KIT: variants seen among roughly 807,000 people sequenced by gnomAD.
KIT encodes mast/stem cell growth factor receptor Kit.
A neutral mutation model predicts 105.7 loss-of-function variants in KIT; 16 were observed. That is an observed-to-expected ratio of 0.15 (90% confidence interval 0.10 to 0.23). KIT has a LOEUF of 0.23. KIT is among the 10% of genes least tolerant of loss of function. The pLI, the probability that KIT is intolerant of heterozygous loss-of-function variation, is 1.00. For missense variants in KIT, 858 were observed against 1,213.8 expected, an observed-to-expected ratio of 0.71 and a Z score of 4.36; for synonymous variants, 438 against 441.1, an observed-to-expected ratio of 0.99 and a Z score of 0.09.
chr4:54,677,634 C>T (rs1466340568), intron 1 of KIT, among the ~76,000 whole-genome samples: 3 of 152,180 alleles, frequency 2.0e-5, no homozygotes, highest in Non-Finnish European at 4.4e-5. Flanking sequence ...TGTGTTTCTT[C>T]CCACCCACTT....
chr4:54,667,258 T>C (rs973564564), intron 1 of KIT, among the ~76,000 whole-genome samples: 2 of 152,158 alleles, frequency 1.3e-5, no homozygotes, highest in African/African-American at 4.8e-5. Context: ...GATCAGCCCA[T>C]GGTCCAGTGG....
Position 54,736,567 on chromosome 4 carries a change from G to A in KIT, c.2554G>A (p.Val852Ile), listed in dbSNP as rs555650901. ...FNCVYTFESD[V>I]WSYGIFLWEL... The stretch of plus-strand genomic sequence containing the variant: ...CTGTGTATACACGTTTGAAAGTGAC[G>A]TCTGGTCCTATGGGATTTTTCTTTG... The change falls in exon 18 of 21, where the codon GTC becomes ATC. Residue 852 changes from valine to isoleucine, a missense_variant. By Grantham distance (29) the Val-to-Ile change is conservative (BLOSUM62 3). Around this residue, in one of 7 missense-constraint regions of KIT, gnomAD observed 63 missense variants for 137.4 expected, o/e 0.46. Coordinates refer to ENST00000288135, the MANE Select transcript of KIT (RefSeq NM_000222.3). 54 of 1,613,996 alleles carry A rather than the reference G, an allele frequency of 3.3e-5. No homozygotes were observed. The highest frequency in any genetic ancestry group is 5.0e-5 in the Admixed American group (3 of 59,998).
At chr4:54,711,954 G>A (rs1157869232) in intron 7 of KIT, among the ~76,000 whole-genome samples, 1 of 151,016 alleles carries the variant, frequency 6.6e-6, no homozygotes, top group African/African-American at 2.4e-5. Context: ...AAAGATAATA[G>A]TATATAGAGC....
intron 1 of KIT, among the ~76,000 whole-genome samples, chr4:54,661,501 G>A (rs1717267201): frequency 6.6e-6 from 1 of 152,204 alleles, no homozygotes; most frequent in African/African-American, 2.4e-5. Flanking sequence ...TCTCAGAGCT[G>A]GCCTGCAGTG....
chr4:54,704,998 A>G (rs1720697635), intron 5 of KIT, among the ~76,000 whole-genome samples: 1 of 152,236 alleles, frequency 6.6e-6, no homozygotes, highest in African/African-American at 2.4e-5. Context: ...ACTTGCAATT[A>G]TAGTCAGCAC....
chr4:54,690,840 C>G (rs1420075090), intron 1 of KIT, among the ~76,000 whole-genome samples: 4 of 152,126 alleles, frequency 2.6e-5, no homozygotes, highest in African/African-American at 9.7e-5. Flanking sequence ...AATTGTGAGA[C>G]TACTATAACA....
intron 3 of KIT, among the ~76,000 whole-genome samples, chr4:54,699,411 T>A (rs911383288): frequency 7.9e-5 from 12 of 152,158 alleles, no homozygotes; most frequent in Non-Finnish European, 1.8e-4. Flanking sequence ...AATCTCACAG[T>A]GGGCATTTCT....
intron 1 of KIT, among the ~76,000 whole-genome samples, chr4:54,673,382 T>C (rs1314534664): frequency 6.6e-6 from 1 of 152,238 alleles, no homozygotes; most frequent in Non-Finnish European, 1.5e-5. Flanking sequence ...TTCCGTCTTC[T>C]GGTTCATTTA....
intron 2 of KIT, among the ~76,000 whole-genome samples, chr4:54,696,302 A>G (rs1041870288): frequency 5.3e-5 from 8 of 152,338 alleles, no homozygotes; most frequent in African/African-American, 1.7e-4. Flanking sequence ...GTGACCTCTT[A>G]TAAACAAAAG....
At chr4:54,678,933 T>C (rs1718710146) in intron 1 of KIT, among the ~76,000 whole-genome samples, 1 of 152,174 alleles carries the variant, frequency 6.6e-6, no homozygotes. Flanking sequence ...GTTGCTAACA[T>C]GACCCCCTCC....
intron 8 of KIT, 42 bp downstream of exon 8, chr4:54,723,740 A>C (rs751129209): frequency 1.0e-5 from 11 of 1,075,340 alleles, no homozygotes; most frequent in Non-Finnish European, 1.6e-5. Context: ...TGCAGAGGGG[A>C]AGGACTGCAA....
intron 9 of KIT, 33 bp downstream of exon 9, chr4:54,726,083 GT>G: frequency 1.3e-6 from 2 of 1,544,178 alleles, no homozygotes; most frequent in Non-Finnish European, 1.8e-6. Context: ...TTAAGGGGAT[GT>G]TTAGGCTCTG....
intron 1 of KIT, among the ~76,000 whole-genome samples, chr4:54,668,353 T>C (rs1397219553): frequency 6.6e-6 from 1 of 152,074 alleles, no homozygotes; most frequent in African/African-American, 2.4e-5. Context: ...AGAGGGAAAA[T>C]GAAAAAGGTG....
At chr4:54,709,374 TC>T (rs762430504) in intron 6 of KIT, 49 bp from the exon 7 acceptor site, 11 of 1,177,544 alleles carry the variant, frequency 9.3e-6, no homozygotes, top group Non-Finnish European at 1.4e-5. Context: ...AGACATGCCT[TC>T]CAAGGCATGC....
chr4:54,737,930 A>G (rs1411082932), intron 20 of KIT, among the ~76,000 whole-genome samples: 1 of 152,146 alleles, frequency 6.6e-6, no homozygotes, highest in Non-Finnish European at 1.5e-5. Flanking sequence ...GCTTGGAGCT[A>G]TCTTTTCTTT....
intron 1 of KIT, among the ~76,000 whole-genome samples, chr4:54,678,874 A>G (rs1718706549): frequency 2.0e-5 from 3 of 152,198 alleles, no homozygotes; most frequent in African/African-American, 2.4e-5. Flanking sequence ...ATTTTGCCAC[A>G]TGTATTTTGT....
chr4:54,686,582 C>G (rs569053180), intron 1 of KIT, among the ~76,000 whole-genome samples: 1 of 152,106 alleles, frequency 6.6e-6, no homozygotes, highest in Non-Finnish European at 1.5e-5. Flanking sequence ...CCTTACTCCA[C>G]TCCTCAGGCT....
At chr4:54,690,985 A>G (rs1302178475) in intron 1 of KIT, among the ~76,000 whole-genome samples, 1 of 152,190 alleles carries the variant, frequency 6.6e-6, no homozygotes, top group Non-Finnish European at 1.5e-5. Flanking sequence ...GGTGGCAATT[A>G]TTTTAATTAT....
Position 54,723,558 on chromosome 4 carries a change from A to T in KIT, c.1232-26A>T, listed in dbSNP as rs775694355. On this transcript the variant is annotated intron_variant, in intron 7 of 20. Transcript: ENST00000288135. Reference sequence around the variant, plus strand: ...TGCTGAGGTTTTCCAGCACTCTGACATATGGCCATTTCTGTTTTCCTGTAG... The same window carrying T: ...TGCTGAGGTTTTCCAGCACTCTGACTTATGGCCATTTCTGTTTTCCTGTAG... 6.1e-6 allele frequency: 9 copies of T among 1,470,708 alleles called. No individual in the cohort carries two copies. In the East Asian group the frequency reaches 6.8e-5, roughly 11 times the overall value. The allele number at this position is 1,470,708 out of a possible 1,614,324, so 91.1% of individuals were successfully genotyped here. A position where few individuals can be genotyped will look rare whatever the true frequency, so the allele number is the denominator to read the frequency against.
Sources: gnomAD v4.1 joint callset for allele counts (sites outside exome capture counted in the v4.1 genomes callset) on GRCh38, gnomAD v4.1.1 for gene constraint, gnomAD v4.1.1 regional missense constraint, MANE v1.5 for transcripts, NCBI Gene and HGNC (gene_info 2026-07-23, HGNC 2026-07-21) for gene names.